Variants in FRMD4A observed in about 807,000 individuals in gnomAD.
FRMD4A encodes the protein FERM domain containing 4A, also known as FERM domain-containing protein 4A.
A neutral mutation model predicts 129.1 loss-of-function variants in FRMD4A; 29 were observed. The observed-to-expected ratio is 0.22, with a 90% CI of 0.17 to 0.31. The LOEUF is 0.31. FRMD4A is among the 10% of genes least tolerant of loss of function. The pLI, the probability that FRMD4A is intolerant of heterozygous loss-of-function variation, is 1.00. For synonymous variants in FRMD4A, 634 were observed against 571.6 expected (o/e 1.11, Z -1.56); for missense variants, 1,272 against 1,375.8 (o/e 0.92, Z 1.19).
In FRMD4A at chr10:14,318,579, G is replaced by A. The variant is rs140607663; in HGVS notation, c.45+11479C>T. 2.5e-3 allele frequency among the ~76,000 whole-genome samples: 344 copies of A among 137,362 alleles called. 6 individuals are homozygous for A. The East Asian group carries it at 0.032, about 13-fold the overall frequency. 90.1% of individuals were successfully genotyped at this position (137,362 alleles called of 152,430 possible). On this transcript the variant is annotated intron_variant, in intron 2 of 24. Coordinates refer to ENST00000357447, the MANE Select transcript of FRMD4A (RefSeq NM_018027.5). Reference sequence around the variant, plus strand: ...GATGTTCAGAGTTTGGATGAAAATCGGAAAACTCAAAAGGCAGCTCTTTGC... The same window carrying A: ...GATGTTCAGAGTTTGGATGAAAATCAGAAAACTCAAAAGGCAGCTCTTTGC...
intron 2 of FRMD4A, among the ~76,000 whole-genome samples, chr10:13,954,739 G>T (rs992347747): frequency 2.0e-5 from 3 of 152,148 alleles, no homozygotes; most frequent in African/African-American, 7.2e-5. Context: ...CATCATCACA[G>T]CCCTGCCAAG....
At chr10:13,968,735 T>C (rs1181457021) in intron 2 of FRMD4A, among the ~76,000 whole-genome samples, 2 of 152,228 alleles carry the variant, frequency 1.3e-5, no homozygotes, top group Non-Finnish European at 2.9e-5. Context: ...ATTACAGGCG[T>C]GAGCCACTGC....
At chr10:14,226,684 T>C (rs542313654) in intron 2 of FRMD4A, among the ~76,000 whole-genome samples, 21 of 152,220 alleles carry the variant, frequency 1.4e-4, no homozygotes, top group African/African-American at 5.1e-4. Context: ...AACATATAAA[T>C]GTGAGGAGAA....
chr10:14,011,916 G>T (rs904188979), intron 2 of FRMD4A, among the ~76,000 whole-genome samples: 1 of 152,054 alleles, frequency 6.6e-6, no homozygotes, highest in Non-Finnish European at 1.5e-5. Flanking sequence ...GGCTGAGGCA[G>T]GAGGATGGCT....
intron 2 of FRMD4A, among the ~76,000 whole-genome samples, chr10:14,001,591 G>T (rs80023123): frequency 6.6e-6 from 1 of 152,150 alleles, no homozygotes. Context: ...GGCTTAACAT[G>T]ACATAAGCTG....
chr10:13,916,364 C>T (rs1020393039), intron 2 of FRMD4A, among the ~76,000 whole-genome samples: 1 of 152,222 alleles, frequency 6.6e-6, no homozygotes. Flanking sequence ...GCTTCTACAT[C>T]TACTCTTAAG....
Position 14,000,373 on chromosome 10 carries a change from G to A in FRMD4A, c.46-141461C>T, listed in dbSNP as rs139653668. 2.6e-3 allele frequency among the ~76,000 whole-genome samples: 390 copies of A among 152,182 alleles called. 1 individual carries two copies. The highest frequency in any genetic ancestry group is 9.0e-3 in the African/African-American group (374 of 41,540). On this transcript the variant is annotated intron_variant, in intron 2 of 24. Coordinates refer to ENST00000357447, the MANE Select transcript of FRMD4A (RefSeq NM_018027.5). ...GAAAGCCATTTCCCCCGGGGCAGGTGTGGTGGCTCACACCTGTAATTCCAG... is the reference window on the plus strand; with the variant it reads ...GAAAGCCATTTCCCCCGGGGCAGGTATGGTGGCTCACACCTGTAATTCCAG...
Position 13,645,287 on chromosome 10 carries a change from C to G in FRMD4A, c.*1751G>C, listed in dbSNP as rs1045920879. 4 of 152,094 alleles carry G rather than the reference C, an allele frequency of 2.6e-5. No individual in the cohort carries two copies. The highest frequency in any genetic ancestry group is 2.6e-4 in the Admixed American group (4 of 15,278). The allele number at this position is 152,094 out of a possible 1,614,324, so 9.4% of individuals were successfully genotyped here. ...TTCTGCTTTCCCACAAAACTACCCC[C>G]ACCCTGGCTCCTGTCCCTGGCTGTC... On this transcript the variant is annotated 3_prime_UTR_variant, in exon 25 of 25. Transcript: ENST00000357447.
chr10:13,876,552 A>G (rs1158682221), intron 2 of FRMD4A, among the ~76,000 whole-genome samples: 2 of 152,142 alleles, frequency 1.3e-5, no homozygotes, highest in African/African-American at 2.4e-5. Context: ...CCTTAATAAC[A>G]CTTTCTGGTA....
At chr10:14,063,827 C>T (rs1234830096) in intron 2 of FRMD4A, among the ~76,000 whole-genome samples, 2 of 152,102 alleles carry the variant, frequency 1.3e-5, no homozygotes, top group African/African-American at 2.4e-5. Context: ...ATACCACAGT[C>T]AAAACATGCG....
In FRMD4A at chr10:13,740,274, C is replaced by T. The variant is rs775792751; in HGVS notation, c.615-23G>A. 1.8e-5 allele frequency: 27 copies of T among 1,524,292 alleles called. 1 individual carries two copies. The South Asian group carries it at 2.4e-4, about 13-fold the overall frequency. 94.4% of individuals were successfully genotyped at this position (1,524,292 alleles called of 1,614,324 possible). A position where few individuals can be genotyped will look rare whatever the true frequency, so the allele number is the denominator to read the frequency against. On this transcript the variant is annotated intron_variant, in intron 10 of 24. Coordinates refer to ENST00000357447, the MANE Select transcript of FRMD4A (RefSeq NM_018027.5). The stretch of plus-strand genomic sequence containing the variant: ...TAGCTGGAATGACAACACGAAGATA[C>T]ACAAACACACACACAATGCGCAAAA...
At chr10:13,964,003 A>AAAC (rs5783373) in intron 2 of FRMD4A, among the ~76,000 whole-genome samples, 14,380 of 130,452 alleles carry the variant, frequency 0.11, 906 homozygotes, top group Admixed American at 0.19. Context: ...TAAAACCATG[A>AAAC]AACATTCAAG....
intron 2 of FRMD4A, among the ~76,000 whole-genome samples, chr10:14,077,419 T>G (rs967620286): frequency 6.6e-5 from 10 of 152,322 alleles, no homozygotes; most frequent in African/African-American, 2.4e-4. Context: ...GTGAGAATAC[T>G]AATAATCATA....
chr10:13,656,085 ACAT>A (rs2082117352), intron 22 of FRMD4A, among the ~76,000 whole-genome samples: 2 of 152,316 alleles, frequency 1.3e-5, no homozygotes, highest in East Asian at 1.9e-4. Context: ...CTATGGCATA[ACAT>A]CATCATCGAA....
At chr10:14,050,552 C>G (rs1257061589) in intron 2 of FRMD4A, among the ~76,000 whole-genome samples, 1 of 152,076 alleles carries the variant, frequency 6.6e-6, no homozygotes, top group Non-Finnish European at 1.5e-5. Flanking sequence ...TTAAGGGAGG[C>G]TCCAGGTAGC....
At chr10:13,707,271 C>T in intron 12 of FRMD4A, 158 bp from the exon 13 acceptor site, 1 of 774,044 alleles carries the variant, frequency 1.3e-6, no homozygotes, top group Non-Finnish European at 2.0e-6. Context: ...CACACACACA[C>T]ATACACACAC....
intron 2 of FRMD4A, among the ~76,000 whole-genome samples, chr10:14,016,007 T>G (rs2095697988): frequency 6.6e-6 from 1 of 152,188 alleles, no homozygotes; most frequent in African/African-American, 2.4e-5. Context: ...AGCCAAGAAC[T>G]GGGGATGCAA....
intron 2 of FRMD4A, among the ~76,000 whole-genome samples, chr10:14,257,208 A>T (rs1270549010): frequency 6.6e-6 from 1 of 152,128 alleles, no homozygotes; most frequent in African/African-American, 2.4e-5. Context: ...GCCAGTGCCC[A>T]TAATCCCAGC....
At chr10:13,949,698 T>A (rs993672004) in intron 2 of FRMD4A, among the ~76,000 whole-genome samples, 24 of 152,240 alleles carry the variant, frequency 1.6e-4, no homozygotes, top group African/African-American at 5.8e-4. Flanking sequence ...ATCAGTACTA[T>A]TAGATAGATT....
Sources: gnomAD v4.1 joint callset for allele counts (sites outside exome capture counted in the v4.1 genomes callset) on GRCh38, gnomAD v4.1.1 for gene constraint, MANE v1.5 for transcripts, NCBI Gene and HGNC (gene_info 2026-07-23, HGNC 2026-07-21) for gene names.